Variants in KCNK2 observed in about 807,000 individuals in gnomAD.
KCNK2 encodes potassium two pore domain channel subfamily K member 2, also known as potassium channel subfamily K member 2.
KCNK2 carries 21 observed loss-of-function variants against 40.5 expected under a neutral mutation model. The observed-to-expected ratio is 0.52, with a 90% confidence interval of 0.37 to 0.75. The LOEUF (loss-of-function observed/expected upper bound fraction) is 0.75, where lower values mean the gene tolerates loss of function less well. KCNK2 is among the 30% of genes least tolerant of loss of function. KCNK2 has a pLI of 0.00. For missense variants in KCNK2, 399 were observed against 531.6 expected (o/e 0.75, Z 2.45); for synonymous variants, 191 against 202.2 (o/e 0.94, Z 0.47).
chr1:215,008,915 G>A (rs967600379), intron 1 of KCNK2, among the ~76,000 whole-genome samples: 1 of 152,024 alleles, frequency 6.6e-6, no homozygotes, highest in Non-Finnish European at 1.5e-5. Flanking sequence ...TGCTTTAGAT[G>A]TGTAGGTGAT....
At chr1:215,209,445 A>AATATATATTATATATT (rs1558140150) in intron 6 of KCNK2, among the ~76,000 whole-genome samples, 5 of 26,676 alleles carry the variant, frequency 1.9e-4, no homozygotes, top group African/African-American at 8.3e-4. Flanking sequence ...TAAAATATAT[A>AATATATATTATATATT]ATATATATTA....
chr1:215,205,314 T>C (rs1665268209), intron 6 of KCNK2, among the ~76,000 whole-genome samples: 1 of 152,126 alleles, frequency 6.6e-6, no homozygotes, highest in Admixed American at 6.5e-5. Flanking sequence ...CTCGGCTCAC[T>C]GCAACCTCTG....
intron 1 of KCNK2, among the ~76,000 whole-genome samples, chr1:215,022,202 G>C (rs193025899): frequency 1.3e-4 from 19 of 149,754 alleles, no homozygotes; most frequent in South Asian, 2.1e-4. Context: ...AGTCAATTTG[G>C]AATTTCTTCC....
chr1:215,032,672 T>C (rs1657245685), intron 1 of KCNK2, among the ~76,000 whole-genome samples: 1 of 152,198 alleles, frequency 6.6e-6, no homozygotes, highest in South Asian at 2.1e-4. Context: ...TTAGTGGATT[T>C]TTTTCTCTCA....
intron 1 of KCNK2, among the ~76,000 whole-genome samples, chr1:215,077,709 T>G (rs570666551): frequency 6.6e-6 from 1 of 152,132 alleles, no homozygotes; most frequent in East Asian, 1.9e-4. Flanking sequence ...TCTCCCAGCT[T>G]CTTCCAACTG....
chr1:215,160,362 C>T (rs944827013), intron 3 of KCNK2, among the ~76,000 whole-genome samples: 6 of 152,142 alleles, frequency 3.9e-5, no homozygotes, highest in Non-Finnish European at 5.9e-5. Context: ...TTAACATGTA[C>T]AGGAAGCATA....
intron 2 of KCNK2, among the ~76,000 whole-genome samples, chr1:215,093,848 TATATATTATATATAAAA>T (rs1659851978): frequency 1.2e-5 from 1 of 84,354 alleles, no homozygotes; most frequent in Admixed American, 2.2e-4. Flanking sequence ...TATTATATAT[TATATATTATATATAAAA>T]ATATATTATA....
chr1:215,175,969 A>G (rs972128927), intron 5 of KCNK2, among the ~76,000 whole-genome samples: 6 of 152,140 alleles, frequency 3.9e-5, no homozygotes, highest in Admixed American at 6.6e-5. Flanking sequence ...ACATGTGTGT[A>G]TGTGACTTTT....
chr1:215,137,466 G>T (rs913800267), intron 3 of KCNK2, among the ~76,000 whole-genome samples: 4 of 152,108 alleles, frequency 2.6e-5, no homozygotes, highest in Admixed American at 6.5e-5. Flanking sequence ...AGACCGTATG[G>T]CCTCCAAAGC....
At chr1:215,143,828 G>A (rs1662292573) in intron 3 of KCNK2, among the ~76,000 whole-genome samples, 1 of 152,078 alleles carries the variant, frequency 6.6e-6, no homozygotes, top group Non-Finnish European at 1.5e-5. Flanking sequence ...TCCTCCTAAT[G>A]GTTTAGGGAC....
chr1:215,013,072 A>C (rs1402328851), intron 1 of KCNK2, among the ~76,000 whole-genome samples: 5 of 151,880 alleles, frequency 3.3e-5, no homozygotes, highest in Admixed American at 3.3e-4. Flanking sequence ...ATTTATGAAA[A>C]ATTTCTTTTG....
chr1:215,153,665 C>G (rs920243086), intron 3 of KCNK2, among the ~76,000 whole-genome samples: 8 of 151,640 alleles, frequency 5.3e-5, no homozygotes, highest in African/African-American at 1.9e-4. Flanking sequence ...GTGTGCAGAA[C>G]GTGCAGGTTC....
At chr1:215,101,857 A>G (rs1660235129) in intron 2 of KCNK2, among the ~76,000 whole-genome samples, 1 of 152,030 alleles carries the variant, frequency 6.6e-6, no homozygotes, top group Admixed American at 6.6e-5. Context: ...GTCATATTAA[A>G]GTATTGCACA....
At chr1:215,032,131 G>A (rs975136511) in intron 1 of KCNK2, among the ~76,000 whole-genome samples, 4 of 149,534 alleles carry the variant, frequency 2.7e-5, no homozygotes, top group Non-Finnish European at 4.4e-5. Context: ...TAGAAGGGCA[G>A]GGACAGTGGT....
intron 1 of KCNK2, among the ~76,000 whole-genome samples, chr1:215,043,797 T>C (rs1396874609): frequency 6.6e-6 from 1 of 152,208 alleles, no homozygotes; most frequent in Non-Finnish European, 1.5e-5. Context: ...GCTAAAATGT[T>C]ATTGTTATAT....
chr1:215,083,204 G>GCCCCCCCCCCCCCCCC lies in KCNK2; in HGVS notation c.-177_-176insCCCCCCCCCCCCCCCC. ...CGTTTCTTCTCACGCTCCCCCCCCC[G>GCCCCCCCCCCCCCCCC]CCCCCTCCCGCGTCCAGCCCCGCTC... On this transcript the variant is annotated 5_prime_UTR_variant, in exon 1 of 7. Transcript: ENST00000444842. The GCCCCCCCCCCCCCCCC allele has an allele frequency of 3.7e-6, 1 of 273,550 alleles. No individual in the cohort carries two copies. Among genetic ancestry groups the GCCCCCCCCCCCCCCCC allele is most frequent in the Non-Finnish European group, 6.4e-6 (1 of 155,378 alleles). 16.9% of individuals were successfully genotyped at this position (273,550 alleles called of 1,614,324 possible).
At chr1:215,122,571 A>G (rs1048702685) in intron 2 of KCNK2, among the ~76,000 whole-genome samples, 7 of 152,092 alleles carry the variant, frequency 4.6e-5, no homozygotes, top group Non-Finnish European at 1.0e-4. Context: ...ATTCATGATA[A>G]GGGTTATATA....
intron 1 of KCNK2, among the ~76,000 whole-genome samples, chr1:215,036,136 T>C (rs1365044314): frequency 1.3e-5 from 2 of 151,630 alleles, no homozygotes; most frequent in African/African-American, 4.8e-5. Flanking sequence ...CTCATGTGTT[T>C]TTTTTTTTCC....
chr1:215,025,564 G>A (rs1414701781), intron 1 of KCNK2, among the ~76,000 whole-genome samples: 1 of 152,080 alleles, frequency 6.6e-6, no homozygotes. Flanking sequence ...CTAAGTTTAT[G>A]TCACATTATA....
Sources: gnomAD v4.1 joint callset for allele counts (sites outside exome capture counted in the v4.1 genomes callset) on GRCh38, gnomAD v4.1.1 for gene constraint, MANE v1.5 for transcripts, NCBI Gene and HGNC (gene_info 2026-07-23, HGNC 2026-07-21) for gene names.